Variants in CUL9 observed in about 807,000 individuals in gnomAD.
The protein encoded by CUL9 is cullin 9, also known as cullin-9.
A neutral mutation model predicts 272.6 loss-of-function variants in CUL9; 79 were observed. The observed-to-expected ratio is 0.29, with a 90% CI of 0.24 to 0.35. CUL9 has a LOEUF of 0.35. Ranked by LOEUF, CUL9 falls within the 10% of genes least tolerant of loss-of-function variation. The pLI is 1.00. For synonymous variants in CUL9, 1,186 were observed against 1,286.5 expected, an observed-to-expected ratio of 0.92 and a Z score of 1.67; for missense variants, 2,532 against 3,255.6, an observed-to-expected ratio of 0.78 and a Z score of 5.41.
intron 8 of CUL9, among the ~76,000 whole-genome samples, chr6:43,190,595 G>A (rs1003562011): frequency 2.0e-5 from 3 of 152,032 alleles, no homozygotes; most frequent in Admixed American, 6.6e-5. Flanking sequence ...TAACATGTTG[G>A]TAAACATCCT....
At chr6:43,216,788 G>T (rs1425458212) in intron 31 of CUL9, among the ~76,000 whole-genome samples, 1 of 152,226 alleles carries the variant, frequency 6.6e-6, no homozygotes, top group South Asian at 2.1e-4. Context: ...TTAATGCCCA[G>T]ACGATACCTC....
At chr6:43,195,755 C>T (rs548962510) in intron 9 of CUL9, among the ~76,000 whole-genome samples, 46 of 152,162 alleles carry the variant, frequency 3.0e-4, no homozygotes, top group Admixed American at 5.9e-4. Flanking sequence ...ACAGGAGGGG[C>T]GGCTGTCCCA....
In CUL9 at chr6:43,199,353, C is replaced by T. The variant is rs1451759240; in HGVS notation, c.3138C>T (p.Gly1046=). 2 of 1,612,908 alleles carry T rather than the reference C, an allele frequency of 1.2e-6. No homozygotes were observed. Among genetic ancestry groups the T allele is most frequent in the East Asian group, 4.5e-5 (2 of 44,828 alleles). The part of the protein sequence containing the change: ...VLEPCLNCLS[G]PSSDSEIVQE... ...AGCCCTGCCTCAACTGCCTGAGTGG[C>T]CCTAGCAGTGACTCCGAGGTACCAG... Residue 1046 remains glycine (G), a synonymous_variant, in exon 13 of 41, where the codon GGC becomes GGT. Transcript: ENST00000252050. This position sits in a 1 kb window ranked among gnomAD's most constrained non-coding sequence, Gnocchi z 4.4.
Position 43,200,099 on chromosome 6 carries a change from G to T in CUL9, c.3327G>T (p.Glu1109Asp), listed in dbSNP as rs371120860. The change falls in exon 14 of 41, where the codon GAG becomes GAT. Residue 1109 changes from glutamate (E) to aspartate (D), a missense_variant. Glu to Asp is a conservative substitution (Grantham distance 45). Around this residue, in one of 3 missense-constraint regions of CUL9, gnomAD observed 2,218 missense variants for 2,788.6 expected, o/e 0.80. Coordinates refer to ENST00000252050, the MANE Select transcript of CUL9 (RefSeq NM_015089.4). The surrounding 1 kb of genome is among the most constrained non-coding windows in gnomAD (Gnocchi z 4.0). ...TTCGGGACCTGGTGACAGAGTGTGA[G>T]AAGTACGCACAGCTCTATAGCAACC... ...CELRDLVTECEKYAQLYSNLT... is the reference protein window; with the variant it reads ...CELRDLVTECDKYAQLYSNLT... 1.2e-6 allele frequency: 2 copies of T among 1,614,110 alleles called. No homozygotes were observed. Among genetic ancestry groups the T allele is most frequent in the African/African-American group, 1.3e-5 (1 of 74,936 alleles).
intron 11 of CUL9, 63 bp downstream of exon 11, chr6:43,196,925 A>C: frequency 1.5e-6 from 2 of 1,335,098 alleles, no homozygotes; most frequent in Non-Finnish European, 2.1e-6. Flanking sequence ...TTTACATATC[A>C]GCTCCTTACT....
At chr6:43,215,420 T>C (rs1476669832) in intron 30 of CUL9, 94 bp downstream of exon 30, 3 of 1,475,298 alleles carry the variant, frequency 2.0e-6, no homozygotes, top group Non-Finnish European at 1.8e-6. Flanking sequence ...CTTCTTTCTT[T>C]GTCTGATCCC....
In CUL9 at chr6:43,224,479, C is replaced by T; in HGVS notation, c.*34C>T. On this transcript the variant is annotated 3_prime_UTR_variant, in exon 41 of 41. Coordinates refer to ENST00000252050, the MANE Select transcript of CUL9 (RefSeq NM_015089.4). The surrounding 1 kb of genome is among the most constrained non-coding windows in gnomAD (Gnocchi z 4.2). The stretch of plus-strand genomic sequence containing the variant: ...ATGCAGGAAACACCTAGAGCAGCCC[C>T]AGAGTCACGGGGCTGAGGGGGCGGG... 6.3e-7 allele frequency: 1 copy of T among 1,592,590 alleles called. No individual in the cohort carries two copies. The highest frequency in any genetic ancestry group is 8.6e-7 in the Non-Finnish European group (1 of 1,167,586).
chr6:43,193,233 G>A, intron 9 of CUL9, 25 bp downstream of exon 9: 1 of 1,607,666 alleles, frequency 6.2e-7, no homozygotes, highest in African/African-American at 1.3e-5. Flanking sequence ...CCTGGCGGGA[G>A]AGAACAATGG....
chr6:43,186,196 C>T lies in CUL9; in HGVS notation c.992C>T (p.Pro331Leu). 6.2e-7 allele frequency: 1 copy of T among 1,614,248 alleles called. No homozygotes were observed. The highest frequency in any genetic ancestry group is 8.5e-7 in the Non-Finnish European group (1 of 1,180,044). Residue 331 changes from proline to leucine, a missense_variant, in exon 4 of 41, where the codon CCC becomes CTC. Pro to Leu is a moderately conservative substitution (Grantham distance 98). Transcript: ENST00000252050. ...RNLSEQGMSP[P>L]RPTRSIFQPY... ...CTCAGCGAACAGGGCATGTCACCTC[C>T]CCGGCCAACCCGGTCCATCTTTCAG...
chr6:43,213,229 G>A lies in CUL9; in HGVS notation c.5293G>A (p.Gly1765Arg). The part of the protein sequence containing the change: ...TWLGRAELQF[G>R]KQILHVSTVQ... The stretch of plus-strand genomic sequence containing the variant: ...GCTGGGCCGGGCTGAGCTGCAGTTT[G>A]GGAAGCAGATACTGCATGTGTCCAC... The change falls in exon 27 of 41, where the codon GGG becomes AGG. Residue 1765 changes from glycine to arginine, a missense_variant. Around this residue, in one of 3 missense-constraint regions of CUL9, gnomAD observed 2,218 missense variants for 2,788.6 expected, o/e 0.80. Coordinates refer to ENST00000252050, the MANE Select transcript of CUL9 (RefSeq NM_015089.4). This position sits in a 1 kb window ranked among gnomAD's most constrained non-coding sequence, Gnocchi z 5.7. The A allele has an allele frequency of 6.2e-7, 1 of 1,611,948 alleles. No individual in the cohort carries two copies. Among genetic ancestry groups the A allele is most frequent in the Non-Finnish European group, 8.5e-7 (1 of 1,179,328 alleles).
chr6:43,223,892 T>A lies in CUL9; in HGVS notation c.7285-203T>A. 1 of 611,136 alleles carries A rather than the reference T, an allele frequency of 1.6e-6. No individual in the cohort carries two copies. Among genetic ancestry groups the A allele is most frequent in the Non-Finnish European group, 2.9e-6 (1 of 340,732 alleles). The allele number at this position is 611,136 out of a possible 1,614,324, so 37.9% of individuals were successfully genotyped here. On this transcript the variant is annotated intron_variant, in intron 39 of 40. Coordinates refer to ENST00000252050, the MANE Select transcript of CUL9 (RefSeq NM_015089.4). The surrounding 1 kb of genome is among the most constrained non-coding windows in gnomAD (Gnocchi z 4.1). ...TTCTGTAAGCTCTTTAAGCACAGGG[T>A]CGTGTGCCTCACCTGGTACCCCGTA... is the stretch of plus-strand genomic sequence containing the variant.
chr6:43,223,401 C>T lies in CUL9; in HGVS notation c.7284+4C>T, dbSNP rs200509007. 5.0e-6 allele frequency: 8 copies of T among 1,590,130 alleles called. No individual in the cohort carries two copies. Among genetic ancestry groups the T allele is most frequent in the East Asian group, 2.3e-5 (1 of 44,282 alleles). On this transcript the variant is annotated splice_donor_region_variant and intron_variant, in intron 39 of 40. Coordinates refer to ENST00000252050, the MANE Select transcript of CUL9 (RefSeq NM_015089.4). The surrounding 1 kb of genome is among the most constrained non-coding windows in gnomAD (Gnocchi z 4.1). Reference sequence around the variant, plus strand: ...CATCCTGCAGCATTCTGCCCAGGTACTGCCCGGCCCAGACCCCTTCTGCTC... The same window carrying T: ...CATCCTGCAGCATTCTGCCCAGGTATTGCCCGGCCCAGACCCCTTCTGCTC...
Position 43,221,046 on chromosome 6 carries a change from T to C in CUL9, c.6589-112T>C, listed in dbSNP as rs1582436642. 5.4e-6 allele frequency: 8 copies of C among 1,479,000 alleles called. No homozygotes were observed. In the East Asian group the frequency reaches 2.0e-4, roughly 36 times the overall value. 91.6% of individuals were successfully genotyped at this position (1,479,000 alleles called of 1,614,324 possible). ...CTGCCACCCAGTTGAGCTCTGTTCCTCTTCCTGGAGCCCTCCAAATGTGAT... is the reference window on the plus strand; with the variant it reads ...CTGCCACCCAGTTGAGCTCTGTTCCCCTTCCTGGAGCCCTCCAAATGTGAT... On this transcript the variant is annotated intron_variant, in intron 33 of 40. Coordinates refer to ENST00000252050, the MANE Select transcript of CUL9 (RefSeq NM_015089.4). This position sits in a 1 kb window ranked among gnomAD's most constrained non-coding sequence, Gnocchi z 4.2.
chr6:43,183,946 T>C (rs1435469124), intron 1 of CUL9, among the ~76,000 whole-genome samples: 1 of 151,966 alleles, frequency 6.6e-6, no homozygotes, highest in East Asian at 1.9e-4. Flanking sequence ...AGAGACGGGG[T>C]TTCACTATGT....
At position 43,218,539 on chromosome 6, in the gene CUL9, C is replaced by T. The variant is rs1353612154; in HGVS notation, c.6283-1920C>T. On this transcript the variant is annotated intron_variant, in intron 31 of 40. Coordinates refer to ENST00000252050, the MANE Select transcript of CUL9 (RefSeq NM_015089.4). This position sits in a 1 kb window ranked among gnomAD's most constrained non-coding sequence, Gnocchi z 4.4. ...CCCTACATTTTTTAAAAGATCGCTT[C>T]TGCCGTTGTGTGGAGAAAAGGCTTG... 6.6e-6 allele frequency among the ~76,000 whole-genome samples: 1 copy of T among 152,198 alleles called. No homozygotes were observed. Among genetic ancestry groups the T allele is most frequent in the Non-Finnish European group, 1.5e-5 (1 of 68,038 alleles).
At chr6:43,195,284 A>G (rs2150554256) in intron 9 of CUL9, among the ~76,000 whole-genome samples, 1 of 152,322 alleles carries the variant, frequency 6.6e-6, no homozygotes, top group East Asian at 1.9e-4. Flanking sequence ...TTACCAGGAG[A>G]GACATTCTCC....
chr6:43,191,297 T>TGTGTGCG (rs60776527), intron 8 of CUL9, among the ~76,000 whole-genome samples: 2 of 136,862 alleles, frequency 1.5e-5, no homozygotes, highest in African/African-American at 5.9e-5. Context: ...TGTGTGCGTG[T>TGTGTGCG]TGTTTTTTTT....
In CUL9 at chr6:43,221,387, G is replaced by C. The variant is rs1026913811; in HGVS notation, c.6752+66G>C. ...GGGGGAGGAGGCCTGGCAGAAGGAGGGGGGAACGGGCTTAGTGTAAAGCTC... is the reference window on the plus strand; with the variant it reads ...GGGGGAGGAGGCCTGGCAGAAGGAGCGGGGAACGGGCTTAGTGTAAAGCTC... On this transcript the variant is annotated intron_variant, in intron 34 of 40. Coordinates refer to ENST00000252050, the MANE Select transcript of CUL9 (RefSeq NM_015089.4). The surrounding 1 kb of genome is among the most constrained non-coding windows in gnomAD (Gnocchi z 4.2). 4 of 1,391,260 alleles carry C rather than the reference G, an allele frequency of 2.9e-6. No individual in the cohort carries two copies. Among genetic ancestry groups the C allele is most frequent in the Admixed American group, 4.3e-5 (2 of 46,852 alleles). 86.2% of individuals were successfully genotyped at this position (1,391,260 alleles called of 1,614,324 possible).
At position 43,223,861 on chromosome 6, in the gene CUL9, C is replaced by CATA; in HGVS notation, c.7285-233_7285-231dup. ...TGGTAAGTCACATGGGCAGAAAAGA[C>CATA]ATAGATTCTGTAAGCTCTTTAAGCA... On this transcript the variant is annotated intron_variant, in intron 39 of 40. Transcript: ENST00000252050. The surrounding 1 kb of genome is among the most constrained non-coding windows in gnomAD (Gnocchi z 4.1). 1.7e-6 allele frequency: 1 copy of CATA among 575,778 alleles called. No homozygotes were observed. The highest frequency in any genetic ancestry group is 3.1e-6 in the Non-Finnish European group (1 of 321,870). The allele number at this position is 575,778 out of a possible 1,614,324, so 35.7% of individuals were successfully genotyped here. A position where few individuals can be genotyped will look rare whatever the true frequency, so the allele number is the denominator to read the frequency against.
Sources: allele counts gnomAD v4.1 joint callset (sites outside exome capture counted in the v4.1 genomes callset), GRCh38; gene constraint gnomAD v4.1.1; regional missense constraint gnomAD v4.1.1; non-coding constraint Gnocchi (gnomAD v3.1); transcripts MANE v1.5; gene names NCBI Gene and HGNC (gene_info 2026-07-23, HGNC 2026-07-21).